The following PLXNB1 variants were observed in gnomAD, a reference collection of about 807,000 sequenced individuals.
The protein encoded by PLXNB1 is plexin B1, also known as plexin-B1.
Under a neutral mutation model 209.4 loss-of-function variants are expected in PLXNB1, and 106 were observed. That is an observed-to-expected ratio of 0.51 (90% CI 0.43 to 0.59). The LOEUF is 0.59. Ranked by LOEUF, PLXNB1 falls within the 20% of genes least tolerant of loss-of-function variation. The pLI, the probability that PLXNB1 is intolerant of heterozygous loss-of-function variation, is 0.00. For synonymous variants in PLXNB1, 1,167 were observed against 1,183.2 expected, an observed-to-expected ratio of 0.99 and a Z score of 0.28; for missense variants, 2,357 against 2,853.2, an observed-to-expected ratio of 0.83 and a Z score of 3.96.
chr3:48,405,969 C>A lies in PLXNB1; in HGVS notation c.6229-171G>T. 2 of 593,742 alleles carry A rather than the reference C, an allele frequency of 3.4e-6. No homozygotes were observed. The highest frequency in any genetic ancestry group is 3.6e-5 in the South Asian group (2 of 55,236). The allele number at this position is 593,742 out of a possible 1,614,324, so 36.8% of individuals were successfully genotyped here. A position where few individuals can be genotyped will look rare whatever the true frequency, so the allele number is the denominator to read the frequency against. On this transcript the variant is annotated intron_variant, in intron 36 of 37. Coordinates refer to ENST00000296440, the MANE Select transcript of PLXNB1 (RefSeq NM_001130082.3). The surrounding 1 kb of genome is among the most constrained non-coding windows in gnomAD (Gnocchi z 5.0). ...CCCTCCATGGCCCAGGGACCCCAGG[C>A]CAGGTGTGCCAGATGGGGACAGAAC...
Position 48,420,764 on chromosome 3 carries a change from G to C in PLXNB1, c.1929C>G (p.Ala643=). 6.2e-7 allele frequency: 1 copy of C among 1,614,060 alleles called. No individual in the cohort carries two copies. The highest frequency in any genetic ancestry group is 8.5e-7 in the Non-Finnish European group (1 of 1,179,958). Residue 643 remains alanine (A), a synonymous_variant, in exon 10 of 38, where the codon GCC becomes GCG. Transcript: ENST00000296440. The part of the protein sequence containing the change: ...TELRPSAQCQ[A]CVSSRWGCNW... ...TACACCCCCAGCGGCTGCTCACACA[G>C]GCCTGGCACCTGCACAGAGCACAGC...
At position 48,416,502 on chromosome 3, in the gene PLXNB1, C is replaced by A; in HGVS notation, c.3375-51G>T. The A allele has an allele frequency of 7.7e-7, 1 of 1,296,198 alleles. No individual in the cohort carries two copies. Among genetic ancestry groups the A allele is most frequent in the Non-Finnish European group, 1.1e-6 (1 of 912,352 alleles). 80.3% of individuals were successfully genotyped at this position (1,296,198 alleles called of 1,614,324 possible). A position where few individuals can be genotyped will look rare whatever the true frequency, so the allele number is the denominator to read the frequency against. ...GTGCCAGGCTGCATCAAGGGCCCCT[C>A]AAGCTTACCTGGCAGCCCCTCTCCC... On this transcript the variant is annotated intron_variant, in intron 16 of 37. Coordinates refer to ENST00000296440, the MANE Select transcript of PLXNB1 (RefSeq NM_001130082.3). The surrounding 1 kb of genome is among the most constrained non-coding windows in gnomAD (Gnocchi z 4.1).
Position 48,419,301 on chromosome 3 carries a change from C to T in PLXNB1, c.2775G>A (p.Met925Ile), listed in dbSNP as rs1288384739. The change falls in exon 12 of 38, where the codon ATG becomes ATA. Residue 925 changes from methionine to isoleucine, a missense_variant. Transcript: ENST00000296440. This position sits in a 1 kb window ranked among gnomAD's most constrained non-coding sequence, Gnocchi z 5.7. The part of the protein sequence containing the change: ...CVESVQGSTL[M>I]PVHVEREIRL... ...GGATTTCCCGCTCCACATGGACCGG[C>T]ATCAACGTGGAGCCCTGAACGCTCT... is the stretch of plus-strand genomic sequence containing the variant. 6.3e-7 allele frequency: 1 copy of T among 1,599,226 alleles called. No individual in the cohort carries two copies. Among genetic ancestry groups the T allele is most frequent in the African/African-American group, 1.3e-5 (1 of 74,662 alleles).
chr3:48,424,706 C>A, intron 2 of PLXNB1, 89 bp from the exon 3 acceptor site: 1 of 1,330,470 alleles, frequency 7.5e-7, no homozygotes, highest in Admixed American at 2.4e-5. Flanking sequence ...TGTGGCATTG[C>A]CAAGATGCTC....
chr3:48,405,886 G>T lies in PLXNB1; in HGVS notation c.6229-88C>A. On this transcript the variant is annotated intron_variant, in intron 36 of 37. Transcript: ENST00000296440. This position sits in a 1 kb window ranked among gnomAD's most constrained non-coding sequence, Gnocchi z 5.0. ...CCCAGGACCCCAGGGAAGGGCTGGG[G>T]GAGAAGGGGACCTGAGAGGTAGAGA... The T allele has an allele frequency of 2.0e-6, 2 of 1,014,760 alleles. No homozygotes were observed. Among genetic ancestry groups the T allele is most frequent in the South Asian group, 2.6e-5 (2 of 76,378 alleles). 62.9% of individuals were successfully genotyped at this position (1,014,760 alleles called of 1,614,324 possible). A position where few individuals can be genotyped will look rare whatever the true frequency, so the allele number is the denominator to read the frequency against.
chr3:48,405,205 C>T lies in PLXNB1; in HGVS notation c.6303+519G>A, dbSNP rs1281237823. On this transcript the variant is annotated intron_variant, in intron 37 of 37. Transcript: ENST00000296440. The surrounding 1 kb of genome is among the most constrained non-coding windows in gnomAD (Gnocchi z 5.0). The stretch of plus-strand genomic sequence containing the variant: ...AGCAGCAATAGCCATGTCACTGGTG[C>T]CACACAAACATCTAAGTGGACTATT... Among the ~76,000 whole-genome samples the T allele has an allele frequency of 2.0e-5, 3 of 152,182 alleles. No individual in the cohort carries two copies. The highest frequency in any genetic ancestry group is 3.8e-4 in the East Asian group (2 of 5,200).
chr3:48,425,831 C>T (rs912936150), intron 1 of PLXNB1, among the ~76,000 whole-genome samples: 3 of 149,110 alleles, frequency 2.0e-5, no homozygotes, highest in Non-Finnish European at 4.4e-5. Flanking sequence ...CACACACACA[C>T]ACACAGAGAG....
At chr3:48,407,736 C>A (rs1296005142) in intron 34 of PLXNB1, among the ~76,000 whole-genome samples, 1 of 152,194 alleles carries the variant, frequency 6.6e-6, no homozygotes, top group Non-Finnish European at 1.5e-5. Flanking sequence ...AGGATTCGCG[C>A]CTTCTTGACA....
intron 4 of PLXNB1, 82 bp from the exon 5 acceptor site, chr3:48,422,541 T>A: frequency 6.9e-7 from 1 of 1,441,902 alleles, no homozygotes; most frequent in Non-Finnish European, 9.2e-7. Flanking sequence ...CCAATCGAAG[T>A]AATTTACAAA....
In PLXNB1 at chr3:48,409,658, A is replaced by G. The variant is rs1310125396; in HGVS notation, c.5852T>C (p.Val1951Ala). ...LSTSRPVPLAVKYFFDLLDEQ... is the reference protein window; with the variant it reads ...LSTSRPVPLAAKYFFDLLDEQ... ...ATCCAGCAGGTCAAAGAAGTACTTC[A>G]CAGCGAGCGGCACGGGGCGGCTGGT... Residue 1951 changes from valine (V) to alanine (A), a missense_variant, in exon 33 of 38, where the codon GTG becomes GCG. Physicochemically the swap from Val to Ala is moderately conservative, Grantham distance 64. This residue lies in a region of PLXNB1 where 414 missense variants were observed against 520.5 expected (regional missense o/e 0.80). Coordinates refer to ENST00000296440, the MANE Select transcript of PLXNB1 (RefSeq NM_001130082.3). This position sits in a 1 kb window ranked among gnomAD's most constrained non-coding sequence, Gnocchi z 5.8. The G allele has an allele frequency of 3.1e-6, 5 of 1,614,012 alleles. No homozygotes were observed. Among genetic ancestry groups the G allele is most frequent in the Non-Finnish European group, 4.2e-6 (5 of 1,180,014 alleles).
chr3:48,406,974 C>G lies in PLXNB1; in HGVS notation c.6152+53G>C. 6.2e-7 allele frequency: 1 copy of G among 1,609,284 alleles called. No homozygotes were observed. Among genetic ancestry groups the G allele is most frequent in the Non-Finnish European group, 8.5e-7 (1 of 1,175,686 alleles). ...CTGCTCCCAACCAGAGCCCACCCCC[C>G]AAGCCTCAGCTGCACACGCCCTCCA... On this transcript the variant is annotated intron_variant, in intron 35 of 37. Coordinates refer to ENST00000296440, the MANE Select transcript of PLXNB1 (RefSeq NM_001130082.3). The surrounding 1 kb of genome is among the most constrained non-coding windows in gnomAD (Gnocchi z 4.4).
chr3:48,418,502 AGCCCCACACGGAGCTCC>A lies in PLXNB1; in HGVS notation c.2979_2995del (p.Glu994ValfsTer14). On this transcript the variant is annotated frameshift_variant, in exon 14 of 38. Transcript: ENST00000296440. LOFTEE classifies it high-confidence loss of function. The surrounding 1 kb of genome is among the most constrained non-coding windows in gnomAD (Gnocchi z 6.6). ...CAGACGGCCGGCCCGACGCAGAAACAGCCCCACACGGAGCTCCGGCTGCAGAGCCTCATAGCTGAGCT... is the reference window on the plus strand; with the variant it reads ...CAGACGGCCGGCCCGACGCAGAAACAGGCTGCAGAGCCTCATAGCTGAGCT... The A allele has an allele frequency of 6.2e-7, 1 of 1,611,644 alleles. No homozygotes were observed. Among genetic ancestry groups the A allele is most frequent in the Non-Finnish European group, 8.5e-7 (1 of 1,179,108 alleles).
chr3:48,416,858 A>T lies in PLXNB1; in HGVS notation c.3375-407T>A, dbSNP rs565092596. The stretch of plus-strand genomic sequence containing the variant: ...TGGTAGAAACTTGATTTATTCAGGA[A>T]AAAGAGTCCCTGAAAGCCTCTAGTC... On this transcript the variant is annotated intron_variant, in intron 16 of 37. Transcript: ENST00000296440. This position sits in a 1 kb window ranked among gnomAD's most constrained non-coding sequence, Gnocchi z 4.1. 6.3e-6 allele frequency: 1 copy of T among 158,548 alleles called. No individual in the cohort carries two copies. The highest frequency in any genetic ancestry group is 6.5e-5 in the Admixed American group (1 of 15,460). 9.8% of individuals were successfully genotyped at this position (158,548 alleles called of 1,614,324 possible). A position where few individuals can be genotyped will look rare whatever the true frequency, so the allele number is the denominator to read the frequency against.
rs768463341 is a variant in PLXNB1, at chr3:48,410,980, G to A, written c.5304C>T (p.Pro1768=). The stretch of plus-strand genomic sequence containing the variant: ...TGGTGTCACAGTCTAGGACCTTCAC[G>A]GGCACGCCCTGGGCCTCTCCTGCCC... ...GPGAGEAQGV[P]VKVLDCDTIS... The change falls in exon 29 of 38, where the codon CCC becomes CCT. Residue 1768 remains proline (P), a synonymous_variant. Coordinates refer to ENST00000296440, the MANE Select transcript of PLXNB1 (RefSeq NM_001130082.3). The surrounding 1 kb of genome is among the most constrained non-coding windows in gnomAD (Gnocchi z 6.4). The A allele has an allele frequency of 1.3e-5, 21 of 1,613,646 alleles. No homozygotes were observed. Among genetic ancestry groups the A allele is most frequent in the African/African-American group, 9.3e-5 (7 of 74,908 alleles).
In PLXNB1 at chr3:48,413,232, A is replaced by G; in HGVS notation, c.4536-63T>C. ...AGTCCTACTCGCCCAGGCCTGCCTG[A>G]CAATCCCCAGGCACACCCCGGCCTC... On this transcript the variant is annotated intron_variant, in intron 23 of 37. Coordinates refer to ENST00000296440, the MANE Select transcript of PLXNB1 (RefSeq NM_001130082.3). This position sits in a 1 kb window ranked among gnomAD's most constrained non-coding sequence, Gnocchi z 5.4. 6 of 1,306,346 alleles carry G rather than the reference A, an allele frequency of 4.6e-6. No individual in the cohort carries two copies. The highest frequency in any genetic ancestry group is 5.5e-6 in the Non-Finnish European group (5 of 911,662). 80.9% of individuals were successfully genotyped at this position (1,306,346 alleles called of 1,614,324 possible).
In PLXNB1 at chr3:48,414,880, G is replaced by A. The variant is rs200587422; in HGVS notation, c.4128C>T (p.Ala1376=). The A allele has an allele frequency of 1.3e-4, 209 of 1,613,926 alleles. No individual in the cohort carries two copies. Among genetic ancestry groups the A allele is most frequent in the Non-Finnish European group, 1.4e-4 (169 of 1,180,048 alleles). The part of the protein sequence containing the change: ...TLNPTPFSYE[A]DPTLQPLNPE... ...GGTTGAGTGGCTGCAGGGTGGGGTCGGCCTCATAGGAGAAAGGTGTGGGGT... is the reference window on the plus strand; with the variant it reads ...GGTTGAGTGGCTGCAGGGTGGGGTCAGCCTCATAGGAGAAAGGTGTGGGGT... The change falls in exon 21 of 38, where the codon GCC becomes GCT. Residue 1376 remains alanine (A), a synonymous_variant. Transcript: ENST00000296440.
rs1203727555 is a variant in PLXNB1, at chr3:48,423,822, A to G, written c.790T>C (p.Leu264=). The G allele has an allele frequency of 6.2e-7, 1 of 1,613,852 alleles. No homozygotes were observed. Among genetic ancestry groups the G allele is most frequent in the South Asian group, 1.1e-5 (1 of 91,078 alleles). Residue 264 remains leucine, a synonymous_variant, in exon 3 of 38, where the codon TTG becomes CTG. Transcript: ENST00000296440. The part of the protein sequence containing the change: ...RDQHYYSYVE[L]PLACEGGRYG... Reference sequence around the variant, plus strand: ...CGGCCACCTTCGCAGGCCAGAGGCAACTCCACATAGGAGTAGTAGTGCTGG... The same window carrying G: ...CGGCCACCTTCGCAGGCCAGAGGCAGCTCCACATAGGAGTAGTAGTGCTGG...
In PLXNB1 at chr3:48,416,063, G is replaced by C. The variant is rs2038074675; in HGVS notation, c.3585C>G (p.Ile1195Met). The change falls in exon 18 of 38, where the codon ATC (isoleucine) becomes ATG (methionine). Residue 1195 changes from isoleucine to methionine, a missense_variant. This residue lies in a region of PLXNB1 where 743 missense variants were observed against 896.2 expected (regional missense o/e 0.83). Transcript: ENST00000296440. The surrounding 1 kb of genome is among the most constrained non-coding windows in gnomAD (Gnocchi z 4.1). ...AAGGCTGGTCTCCAACCACCACTCG[G>C]ATGTCCTCCAGCCGCCCAGTCAGGA... is the stretch of plus-strand genomic sequence containing the variant. ...SKLLTGRLED[I>M]RVVVGDQPCH... 1 of 1,602,630 alleles carries C rather than the reference G, an allele frequency of 6.2e-7. No homozygotes were observed. Among genetic ancestry groups the C allele is most frequent in the Middle Eastern group, 1.7e-4 (1 of 6,050 alleles).
At position 48,411,852 on chromosome 3, in the gene PLXNB1, C is replaced by T. The variant is rs368885856; in HGVS notation, c.5247+11G>A. ...ACTCAGACTGCAGGCCACACACTTG[C>T]ACACCCTCACCAGGGGACGGTACTC... On this transcript the variant is annotated intron_variant, in intron 28 of 37. Transcript: ENST00000296440. The surrounding 1 kb of genome is among the most constrained non-coding windows in gnomAD (Gnocchi z 4.0). 2 of 1,612,978 alleles carry T rather than the reference C, an allele frequency of 1.2e-6. No homozygotes were observed. The highest frequency in any genetic ancestry group is 1.3e-5 in the African/African-American group (1 of 74,904).
Sources: allele counts gnomAD v4.1 joint callset (sites outside exome capture counted in the v4.1 genomes callset), GRCh38; gene constraint gnomAD v4.1.1; regional missense constraint gnomAD v4.1.1; non-coding constraint Gnocchi (gnomAD v3.1); transcripts MANE v1.5; gene names NCBI Gene and HGNC (gene_info 2026-07-23, HGNC 2026-07-21).